The following NR1H4 variants were observed in gnomAD, a reference collection of about 807,000 sequenced individuals.
The protein encoded by NR1H4 is nuclear receptor subfamily 1 group H member 4, also known as bile acid receptor.
A neutral mutation model predicts 58.5 loss-of-function variants in NR1H4; 23 were observed. The observed-to-expected ratio is 0.39, with a 90% CI of 0.28 to 0.56. NR1H4 has a LOEUF of 0.56. Among genes scored for constraint, NR1H4 ranks in the 20% least tolerant of loss-of-function variants. The probability of loss-of-function intolerance (pLI) is 0.58; values close to 1 mark genes in which losing one functional copy is unlikely to be tolerated. For synonymous variants in NR1H4, 214 were observed against 198.0 expected, an observed-to-expected ratio of 1.08 and a Z score of -0.68; for missense variants, 487 against 576.9, an observed-to-expected ratio of 0.84 and a Z score of 1.60.
At chr12:100,508,843 T>G (rs1954035791) in intron 3 of NR1H4, among the ~76,000 whole-genome samples, 1 of 152,194 alleles carries the variant, frequency 6.6e-6, no homozygotes, top group Non-Finnish European at 1.5e-5. Context: ...TGGCACACAC[T>G]TTTTTGGTGA....
At chr12:100,482,437 G>T (rs1953401595) in intron 1 of NR1H4, among the ~76,000 whole-genome samples, 1 of 152,106 alleles carries the variant, frequency 6.6e-6, no homozygotes, top group Admixed American at 6.5e-5. Flanking sequence ...ACTCATTTAT[G>T]TATTAGTTAC....
At chr12:100,553,230 C>T (rs1955246300) in intron 9 of NR1H4, among the ~76,000 whole-genome samples, 3 of 152,126 alleles carry the variant, frequency 2.0e-5, no homozygotes, top group Admixed American at 2.0e-4. Flanking sequence ...GATCTCTTGA[C>T]CTTGTGATCC....
At chr12:100,508,616 TTAA>T (rs1261774997) in intron 3 of NR1H4, among the ~76,000 whole-genome samples, 1 of 151,916 alleles carries the variant, frequency 6.6e-6, no homozygotes, top group Non-Finnish European at 1.5e-5. Flanking sequence ...TAAGTGGGGG[TTAA>T]TAATGTTACC....
At chr12:100,503,670 A>G (rs17030243) in intron 3 of NR1H4, among the ~76,000 whole-genome samples, 6,612 of 152,256 alleles carry the variant, frequency 0.043, 490 homozygotes, top group African/African-American at 0.15. Context: ...AGGGTTCTAA[A>G]CAGACGAATA....
At chr12:100,479,633 C>T (rs903968925) in intron 1 of NR1H4, among the ~76,000 whole-genome samples, 1 of 152,232 alleles carries the variant, frequency 6.6e-6, no homozygotes, top group Non-Finnish European at 1.5e-5. Context: ...AAAGATTTCC[C>T]TCATTCTCCT....
At chr12:100,526,894 C>T (rs1593096449) in intron 4 of NR1H4, among the ~76,000 whole-genome samples, 1 of 152,140 alleles carries the variant, frequency 6.6e-6, no homozygotes, top group African/African-American at 2.4e-5. Flanking sequence ...AAACAAAAAT[C>T]CTATGTGAGA....
chr12:100,483,689 G>A (rs1319788745), intron 1 of NR1H4, among the ~76,000 whole-genome samples: 2 of 151,906 alleles, frequency 1.3e-5, no homozygotes, highest in East Asian at 3.9e-4. Context: ...TTTTCCTTAA[G>A]AATATATTTC....
chr12:100,528,510 C>A (rs1315368166), intron 4 of NR1H4, among the ~76,000 whole-genome samples: 1 of 152,204 alleles, frequency 6.6e-6, no homozygotes, highest in Non-Finnish European at 1.5e-5. Flanking sequence ...GATGGCAATG[C>A]CAACCCTGTC....
chr12:100,512,414 G>T (rs1294253095), intron 4 of NR1H4, among the ~76,000 whole-genome samples: 4 of 152,118 alleles, frequency 2.6e-5, no homozygotes, highest in Admixed American at 2.6e-4. Flanking sequence ...GACCAAGACG[G>T]GTGGATCATG....
intron 4 of NR1H4, among the ~76,000 whole-genome samples, chr12:100,517,545 C>A (rs540740679): frequency 3.9e-5 from 6 of 152,254 alleles, no homozygotes; most frequent in African/African-American, 1.4e-4. Flanking sequence ...TGGAGATATA[C>A]CCTGTGGTGG....
chr12:100,561,988 C>A lies in NR1H4; in HGVS notation c.1182C>A (p.Ile394=). 3 of 1,473,902 alleles carry A rather than the reference C, an allele frequency of 2.0e-6. No homozygotes were observed. The highest frequency in any genetic ancestry group is 1.9e-6 in the Non-Finnish European group (2 of 1,052,450). The allele number at this position is 1,473,902 out of a possible 1,614,324, so 91.3% of individuals were successfully genotyped here. A position where few individuals can be genotyped will look rare whatever the true frequency, so the allele number is the denominator to read the frequency against. ...ATGCTCTGCTTACAGCAATTGTTAT[C>A]CTGTCTCCAGGTAATTCCAATGTTA... ...EEYALLTAIV[I]LSPDRQYIKD... is the part of the protein sequence containing the mutation. The change falls in exon 10 of 11, where the codon ATC becomes ATA. Residue 394 remains isoleucine (I), a synonymous_variant. Coordinates refer to ENST00000392986, the MANE Select transcript of NR1H4 (RefSeq NM_001206979.2).
chr12:100,511,647 C>T (rs1443906262), intron 4 of NR1H4, among the ~76,000 whole-genome samples: 1 of 152,138 alleles, frequency 6.6e-6, no homozygotes, highest in African/African-American at 2.4e-5. Context: ...TTTAACTTGG[C>T]ATGGTGGCTC....
In NR1H4 at chr12:100,511,045, C is replaced by T. The variant is rs759479495; in HGVS notation, c.347C>T (p.Ala116Val). 53 of 1,614,108 alleles carry T rather than the reference C, an allele frequency of 3.3e-5. No individual in the cohort carries two copies. The South Asian group carries it at 4.5e-4, about 14-fold the overall frequency. Residue 116 changes from alanine to valine, a missense_variant, in exon 4 of 11, where the codon GCG becomes GTG. By Grantham distance (64) the Ala-to-Val change is moderately conservative. Transcript: ENST00000392986. ...GTAACAAAGAAGCCCCGCATGGGCG[C>T]GTCAGCAGGGAGGATCAAAGGGGAT... The part of the protein sequence containing the change: ...MPVTKKPRMG[A>V]SAGRIKGDEL...
At position 100,540,727 on chromosome 12, in the gene NR1H4, T is replaced by G. The variant is rs1954914980; in HGVS notation, c.987T>G (p.Val329=). 1 of 1,614,208 alleles carries G rather than the reference T, an allele frequency of 6.2e-7. No individual in the cohort carries two copies. The highest frequency in any genetic ancestry group is 8.5e-7 in the Non-Finnish European group (1 of 1,180,014). The part of the protein sequence containing the change: ...DQIALLKGSA[V]EAMFLRSAEI... The stretch of plus-strand genomic sequence containing the variant: ...TTGCTTTGCTGAAAGGGTCTGCGGT[T>G]GAAGCTATGTTCCTTCGTTCAGCTG... Residue 329 remains valine (V), a synonymous_variant, in exon 9 of 11, where the codon GTT becomes GTG. Transcript: ENST00000392986.
chr12:100,529,594 C>A (rs1331791876), intron 4 of NR1H4, among the ~76,000 whole-genome samples: 1 of 152,164 alleles, frequency 6.6e-6, no homozygotes, highest in African/African-American at 2.4e-5. Flanking sequence ...GATGGAGTAT[C>A]TACCCTTTCT....
chr12:100,531,802 T>TTC (rs1287796607), intron 4 of NR1H4, among the ~76,000 whole-genome samples: 2 of 152,076 alleles, frequency 1.3e-5, no homozygotes, highest in African/African-American at 4.8e-5. Flanking sequence ...GTGCTATACC[T>TTC]TCTCGGGGGA....
chr12:100,498,578 CAAT>C (rs1448906275), intron 3 of NR1H4, among the ~76,000 whole-genome samples: 1 of 151,008 alleles, frequency 6.6e-6, no homozygotes, highest in African/African-American at 2.4e-5. Flanking sequence ...GCGGAGGTTA[CAAT>C]GAGATGGGCG....
chr12:100,554,731 T>C (rs1453653769), intron 9 of NR1H4, among the ~76,000 whole-genome samples: 1 of 152,132 alleles, frequency 6.6e-6, no homozygotes, highest in Non-Finnish European at 1.5e-5. Context: ...TAATTGGTCA[T>C]TCAAGCGAAA....
At chr12:100,498,508 C>T (rs148808551) in intron 3 of NR1H4, among the ~76,000 whole-genome samples, 6 of 151,906 alleles carry the variant, frequency 3.9e-5, no homozygotes, top group South Asian at 2.1e-4. Flanking sequence ...CGTGGTGGCA[C>T]GTGCCTGTAA....
Sources: allele counts gnomAD v4.1 joint callset (sites outside exome capture counted in the v4.1 genomes callset), GRCh38; gene constraint gnomAD v4.1.1; transcripts MANE v1.5; gene names NCBI Gene and HGNC (gene_info 2026-07-23, HGNC 2026-07-21).